The following PON2 variants were observed in gnomAD, a reference collection of about 807,000 sequenced individuals.
PON2 encodes the protein paraoxonase 2.
Under a neutral mutation model 36.6 loss-of-function variants are expected in PON2, and 27 were observed. The observed-to-expected ratio is 0.74, with a 90% CI of 0.54 to 1.02. PON2 has a LOEUF of 1.02. Ranked by LOEUF, PON2 falls within the 50% of genes least tolerant of loss-of-function variation. The pLI, the probability that PON2 is intolerant of heterozygous loss-of-function variation, is 0.00. For missense variants in PON2, 363 were observed against 421.1 expected (o/e 0.86, Z 1.21); for synonymous variants, 149 against 156.3 (o/e 0.95, Z 0.35).
rs201172945 is a variant in PON2 at position 95,405,198 on chromosome 7, C to T, written c.*132G>A. 107 of 988,436 alleles carry T rather than the reference C, an allele frequency of 1.1e-4. No individual in the cohort carries two copies. In the East Asian group the frequency reaches 2.7e-3, roughly 25 times the overall value. 61.2% of individuals were successfully genotyped at this position (988,436 alleles called of 1,614,324 possible). On this transcript the variant is annotated 3_prime_UTR_variant, in exon 9 of 9. Coordinates refer to ENST00000222572, the MANE Select transcript of PON2 (RefSeq NM_000305.3). ...TGCTCTAAGAACTAAAAGGGCCGTT[C>T]CTTACTGGAATAAAATTAACTACAC...
In PON2 at chr7:95,427,454, C is replaced by A. The variant is rs890948775; in HGVS notation, c.75-2869G>T. ...ATGACCCAGGTTTTGGGGAAAGACA[C>A]TGTGTTCTAGATACAAAGGAGAGTC... On this transcript the variant is annotated intron_variant, in intron 1 of 8. Transcript: ENST00000222572. Among the ~76,000 whole-genome samples, 3 of 152,312 alleles carry A rather than the reference C, an allele frequency of 2.0e-5. No homozygotes were observed. In the South Asian group the frequency reaches 6.2e-4, roughly 32 times the overall value.
At chr7:95,423,953 C>T (rs1206463897) in intron 2 of PON2, among the ~76,000 whole-genome samples, 40 of 152,094 alleles carry the variant, frequency 2.6e-4, no homozygotes. Flanking sequence ...CTCACTATCA[C>T]GAGAACAGCA....
Position 95,424,596 on chromosome 7 carries a change from G to T in PON2, c.75-11C>A. The T allele has an allele frequency of 6.4e-7, 1 of 1,574,296 alleles. No individual in the cohort carries two copies. On this transcript the variant is annotated splice_polypyrimidine_tract_variant and intron_variant, in intron 1 of 8. Coordinates refer to ENST00000222572, the MANE Select transcript of PON2 (RefSeq NM_000305.3). ...GCTTTAAGTCGATTTCTGTTACAAA[G>T]AAAAAAAAACAAAAAACAAAAAACT...
intron 8 of PON2, among the ~76,000 whole-genome samples, chr7:95,405,859 A>C (rs1449857388): frequency 6.6e-6 from 1 of 152,214 alleles, no homozygotes; most frequent in Non-Finnish European, 1.5e-5. Context: ...ACCACCCAAG[A>C]AGGGCACATG....
chr7:95,412,526 A>G, intron 3 of PON2, 49 bp from the exon 4 acceptor site: 1 of 1,549,096 alleles, frequency 6.5e-7, no homozygotes, highest in Non-Finnish European at 8.9e-7. Flanking sequence ...AAGTATTTTT[A>G]TGGACTAACA....
At chr7:95,416,362 C>T (rs1402893138) in intron 2 of PON2, 65 bp from the exon 3 acceptor site, 1 of 1,534,244 alleles carries the variant, frequency 6.5e-7, no homozygotes, top group South Asian at 1.1e-5. Flanking sequence ...CAGAGCATAA[C>T]TGGGACTCTG....
rs1270501181 is a variant in PON2 at position 95,406,170 on chromosome 7, A to G, written c.855T>C (p.Pro285=). The change falls in exon 8 of 9, where the codon CCT becomes CCC. Residue 285 remains proline, a synonymous_variant. Coordinates refer to ENST00000222572, the MANE Select transcript of PON2 (RefSeq NM_000305.3). ...CATACACGAAGAGCTTCTGGCCATTAGGATGACAGCCTACCCAGATGTCCC... is the reference window on the plus strand; with the variant it reads ...CATACACGAAGAGCTTCTGGCCATTGGGATGACAGCCTACCCAGATGTCCC... ...SSGDIWVGCH[P]NGQKLFVYDP... 1 of 1,613,750 alleles carries G rather than the reference A, an allele frequency of 6.2e-7. No homozygotes were observed. Among genetic ancestry groups the G allele is most frequent in the South Asian group, 1.1e-5 (1 of 91,070 alleles).
At chr7:95,407,817 C>G (rs913735177) in intron 6 of PON2, among the ~76,000 whole-genome samples, 1 of 152,108 alleles carries the variant, frequency 6.6e-6, no homozygotes, top group Non-Finnish European at 1.5e-5. Flanking sequence ...TAGCTAACTT[C>G]CGAGGACACA....
At chr7:95,418,360 A>G (rs956844701) in intron 2 of PON2, 1 of 152,262 alleles carries the variant, frequency 6.6e-6, no homozygotes, top group Non-Finnish European at 1.5e-5. Context: ...CAATTGCTCA[A>G]GGTCACAAAC....
At chr7:95,411,870 A>G (rs1788935932) in intron 4 of PON2, 91 bp from the exon 5 acceptor site, 2 of 1,363,882 alleles carry the variant, frequency 1.5e-6, no homozygotes, top group South Asian at 2.4e-5. Context: ...AGGCAAGGAA[A>G]GGTTGAATGT....
chr7:95,416,316 G>C lies in PON2; in HGVS notation c.146-19C>G. ...CCAGCTTCTGTAAGTTTAAGGAACA[G>C]ATAAATGTCATGTTCAAGTTCTGTT... On this transcript the variant is annotated intron_variant, in intron 2 of 8. Coordinates refer to ENST00000222572, the MANE Select transcript of PON2 (RefSeq NM_000305.3). 6.2e-7 allele frequency: 1 copy of C among 1,612,488 alleles called. No individual in the cohort carries two copies. Among genetic ancestry groups the C allele is most frequent in the East Asian group, 2.2e-5 (1 of 44,848 alleles).
chr7:95,425,480 A>G (rs1211317674), intron 1 of PON2, among the ~76,000 whole-genome samples: 1 of 152,038 alleles, frequency 6.6e-6, no homozygotes, highest in Non-Finnish European at 1.5e-5. Flanking sequence ...TCTCTCTCAC[A>G]TTTTTCACCT....
At chr7:95,412,571 G>A (rs746945879) in intron 3 of PON2, 94 bp from the exon 4 acceptor site, 11 of 1,345,776 alleles carry the variant, frequency 8.2e-6, no homozygotes, top group Non-Finnish European at 9.5e-6. Flanking sequence ...TAGAGATTGT[G>A]GTTAAAGTAG....
chr7:95,406,971 AAAAT>A lies in PON2; in HGVS notation c.777+12_777+15del. On this transcript the variant is annotated intron_variant, in intron 7 of 8. Transcript: ENST00000222572. The stretch of plus-strand genomic sequence containing the variant: ...CATAATAGATTACTGTCTATATGTA[AAAAT>A]AAATATTTTACCTTCAACTGAGTTA... The A allele has an allele frequency of 7.0e-7, 1 of 1,433,888 alleles. No homozygotes were observed. Among genetic ancestry groups the A allele is most frequent in the Non-Finnish European group, 9.8e-7 (1 of 1,024,870 alleles). The allele number at this position is 1,433,888 out of a possible 1,614,324, so 88.8% of individuals were successfully genotyped here.
At position 95,406,126 on chromosome 7, in the gene PON2, G is replaced by A. The variant is rs377508329; in HGVS notation, c.899C>T (p.Ser300Leu). ...LFVYDPNNPPSSEVLRIQNIL... is the reference protein window; with the variant it reads ...LFVYDPNNPPLSEVLRIQNIL... The stretch of plus-strand genomic sequence containing the variant: ...AACTGAAAATATAAAAACCTCTGAC[G>A]AGGGAGGATTGTTCGGGTCATACAC... The change falls in exon 8 of 9, where the codon TCG becomes TTG. Residue 300 changes from serine to leucine, a missense_variant. By Grantham distance (145) the Ser-to-Leu change is moderately radical. Transcript: ENST00000222572. 59 of 1,613,474 alleles carry A rather than the reference G, an allele frequency of 3.7e-5. No individual in the cohort carries two copies. The highest frequency in any genetic ancestry group is 4.4e-5 in the Non-Finnish European group (52 of 1,179,648).
At chr7:95,423,554 A>AT (rs1437370059) in intron 2 of PON2, among the ~76,000 whole-genome samples, 1 of 152,058 alleles carries the variant, frequency 6.6e-6, no homozygotes, top group Non-Finnish European at 1.5e-5. Context: ...CTATAGCAAA[A>AT]TTGGGGCTTG....
chr7:95,414,497 T>C (rs1306287468), intron 3 of PON2, among the ~76,000 whole-genome samples: 1 of 152,186 alleles, frequency 6.6e-6, no homozygotes, highest in Non-Finnish European at 1.5e-5. Flanking sequence ...AAAATGGCTG[T>C]AGATTTATGT....
chr7:95,416,492 G>A lies in PON2; in HGVS notation c.146-195C>T, dbSNP rs764064911. ...CTGAAGTGAACTTCTGACTTTAAAT[G>A]TTAGATATTTTATGTTTACTCAAAT... On this transcript the variant is annotated intron_variant, in intron 2 of 8. Coordinates refer to ENST00000222572, the MANE Select transcript of PON2 (RefSeq NM_000305.3). The A allele has an allele frequency of 8.2e-4, 514 of 626,036 alleles. 1 individual carries two copies. The highest frequency in any genetic ancestry group is 1.2e-3 in the Non-Finnish European group (421 of 360,160). 38.8% of individuals were successfully genotyped at this position (626,036 alleles called of 1,614,324 possible).
At chr7:95,413,553 T>G (rs777468130) in intron 3 of PON2, among the ~76,000 whole-genome samples, 8 of 152,210 alleles carry the variant, frequency 5.3e-5, no homozygotes, top group Non-Finnish European at 1.2e-4. Flanking sequence ...TTAAATGCTT[T>G]TTGGTACTCA....
Sources: gnomAD v4.1 joint callset for allele counts (sites outside exome capture counted in the v4.1 genomes callset) on GRCh38, gnomAD v4.1.1 for gene constraint, MANE v1.5 for transcripts, NCBI Gene and HGNC (gene_info 2026-07-23, HGNC 2026-07-21) for gene names.